Variants in UNC79 observed in about 807,000 individuals in gnomAD.
UNC79 encodes protein unc-79 homolog.
Under a neutral mutation model 283.1 loss-of-function variants are expected in UNC79, and 37 were observed. The ratio of observed to expected loss-of-function variants is 0.13; its 90% CI spans 0.10 to 0.17. UNC79 has a LOEUF of 0.17. Among genes scored for constraint, UNC79 ranks in the 10% least tolerant of loss-of-function variants. The pLI, the probability that UNC79 is intolerant of heterozygous loss-of-function variation, is 1.00. For missense variants in UNC79, 2,272 were observed against 3,211.1 expected, an observed-to-expected ratio of 0.71 and a Z score of 7.07; for synonymous variants, 1,107 against 1,200.2, an observed-to-expected ratio of 0.92 and a Z score of 1.61.
Position 93,497,069 on chromosome 14 carries a change from A to T in UNC79, c.769-88A>T. 3 of 1,475,982 alleles carry T rather than the reference A, an allele frequency of 2.0e-6. 1 individual carries two copies. In the South Asian group the frequency reaches 4.1e-5, roughly 20 times the overall value. 91.4% of individuals were successfully genotyped at this position (1,475,982 alleles called of 1,614,324 possible). A position where few individuals can be genotyped will look rare whatever the true frequency, so the allele number is the denominator to read the frequency against. ...TTACTCACCTCAATCCCTCCATTAG[A>T]ATTTTCACTGCTTTGGTAATGTTGA... is the stretch of plus-strand genomic sequence containing the variant. On this transcript the variant is annotated intron_variant, in intron 6 of 48. Coordinates refer to ENST00000555664, the Ensembl canonical transcript of UNC79.
chr14:93,663,881 T>C (rs978185386), intron 40 of UNC79, among the ~76,000 whole-genome samples: 3 of 152,196 alleles, frequency 2.0e-5, no homozygotes, highest in Non-Finnish European at 4.4e-5. Flanking sequence ...TATACCTTTT[T>C]TGGGGGAAGA....
At chr14:93,413,565 T>C (rs953131290) in intron 1 of UNC79, among the ~76,000 whole-genome samples, 10 of 128,970 alleles carry the variant, frequency 7.8e-5, no homozygotes, top group African/African-American at 3.0e-4. Context: ...CTGGGTCAAA[T>C]GGTATTTCTA....
intron 2 of UNC79, among the ~76,000 whole-genome samples, chr14:93,471,751 T>C (rs1252599631): frequency 6.6e-6 from 1 of 152,106 alleles, no homozygotes. Context: ...CCATTTTTTT[T>C]CTCAACCTCA....
In UNC79 at chr14:93,572,680, C is replaced by T. The variant is rs373844621; in HGVS notation, c.1947-13C>T. On this transcript the variant is annotated splice_polypyrimidine_tract_variant and intron_variant, in intron 15 of 48. Transcript: ENST00000555664. ...GCCCATTGGTCATTTACTTTTGTTG[C>T]TCTGCTTTCCAGCAAAATGTTTGAC... 876 of 1,613,660 alleles carry T rather than the reference C, an allele frequency of 5.4e-4. 13 individuals are homozygous for T. In the South Asian group the frequency reaches 6.6e-3, roughly 12 times the overall value.
chr14:93,567,783 T>C (rs1270114216), intron 14 of UNC79, among the ~76,000 whole-genome samples: 2 of 152,220 alleles, frequency 1.3e-5, no homozygotes, highest in Non-Finnish European at 1.5e-5. Flanking sequence ...TTTGCCAAGG[T>C]TGAGGATGTG....
chr14:93,604,777 A>C, intron 26 of UNC79, 119 bp from the exon 27 acceptor site: 1 of 1,050,470 alleles, frequency 9.5e-7, no homozygotes, highest in African/African-American at 1.6e-5. Flanking sequence ...ATGTGATGTT[A>C]ATTCAAATAG....
At chr14:93,644,364 C>T (rs950125927) in intron 34 of UNC79, among the ~76,000 whole-genome samples, 1 of 152,146 alleles carries the variant, frequency 6.6e-6, no homozygotes, top group Admixed American at 6.5e-5. Flanking sequence ...GTAGTCTTAG[C>T]GTGCACAACT....
chr14:93,341,293 CTA>C (rs1372542845), intron 1 of UNC79, among the ~76,000 whole-genome samples: 1 of 151,876 alleles, frequency 6.6e-6, no homozygotes, highest in African/African-American at 2.4e-5. Context: ...CCCGTCTCTA[CTA>C]AAAATACAAA....
chr14:93,450,611 G>A (rs1312356324), intron 1 of UNC79, among the ~76,000 whole-genome samples: 1 of 152,156 alleles, frequency 6.6e-6, no homozygotes, highest in East Asian at 1.9e-4. Flanking sequence ...TTGCTTCATC[G>A]TTATCTTGTT....
At chr14:93,505,940 C>T (rs1361562848) in intron 7 of UNC79, among the ~76,000 whole-genome samples, 1 of 151,692 alleles carries the variant, frequency 6.6e-6, no homozygotes, top group Non-Finnish European at 1.5e-5. Flanking sequence ...TTACTCCCTC[C>T]TGACTTCCAT....
chr14:93,550,270 C>T (rs980670078), intron 14 of UNC79, among the ~76,000 whole-genome samples: 1 of 152,010 alleles, frequency 6.6e-6, no homozygotes, highest in African/African-American at 2.4e-5. Flanking sequence ...TCATCCTAGA[C>T]AATATGATAG....
intron 11 of UNC79, among the ~76,000 whole-genome samples, chr14:93,532,999 T>C (rs2060901209): frequency 2.0e-5 from 3 of 152,200 alleles, no homozygotes; most frequent in African/African-American, 7.2e-5. Flanking sequence ...AGACTGACTG[T>C]ATATGGAAAG....
chr14:93,514,906 T>C (rs2059985477), intron 7 of UNC79, among the ~76,000 whole-genome samples: 1 of 152,192 alleles, frequency 6.6e-6, no homozygotes, highest in Non-Finnish European at 1.5e-5. Context: ...ATACCAGCTT[T>C]TTATTATGGT....
intron 24 of UNC79, among the ~76,000 whole-genome samples, 171 bp downstream of exon 24, chr14:93,597,711 G>T (rs2065174533): frequency 6.6e-6 from 1 of 152,170 alleles, no homozygotes. Context: ...CCGAGGGCCT[G>T]CTGTCTAGTT....
At chr14:93,573,877 C>T (rs1056607521) in intron 16 of UNC79, among the ~76,000 whole-genome samples, 3 of 152,114 alleles carry the variant, frequency 2.0e-5, no homozygotes, top group Non-Finnish European at 2.9e-5. Context: ...TGGTGACGCA[C>T]GCCTGTAGTC....
rs1215291473 is a variant in UNC79 at position 93,690,030 on chromosome 14, C to A, written c.7086-87C>A. On this transcript the variant is annotated intron_variant, in intron 44 of 48. Transcript: ENST00000555664. The surrounding 1 kb of genome is among the most constrained non-coding windows in gnomAD (Gnocchi z 4.3). ...GTGATTGCCTGCAAGACCACACTTT[C>A]AATCCCTTCCTTCAATAAGCATTTG... The A allele has an allele frequency of 6.9e-7, 1 of 1,452,804 alleles. No homozygotes were observed. Among genetic ancestry groups the A allele is most frequent in the African/African-American group, 1.4e-5 (1 of 71,576 alleles). The allele number at this position is 1,452,804 out of a possible 1,614,324, so 90.0% of individuals were successfully genotyped here.
chr14:93,466,718 G>A (rs760128766), intron 1 of UNC79, among the ~76,000 whole-genome samples: 2 of 152,128 alleles, frequency 1.3e-5, no homozygotes, highest in Non-Finnish European at 2.9e-5. Context: ...CACCTAAAAG[G>A]CTCCCTTAAA....
intron 39 of UNC79, 119 bp downstream of exon 42, chr14:93,659,380 C>A: frequency 1.3e-6 from 1 of 758,772 alleles, no homozygotes; most frequent in Non-Finnish European, 2.1e-6. Context: ...TCCCTTTCAG[C>A]CTCCTTCTTT....
intron 44 of UNC79, chr14:93,689,634 A>C (rs2074532271): frequency 6.5e-6 from 1 of 155,016 alleles, no homozygotes; most frequent in East Asian, 1.9e-4. Flanking sequence ...AATTACAGGC[A>C]TGCACCACCA....
Sources: gnomAD v4.1 joint callset for allele counts (sites outside exome capture counted in the v4.1 genomes callset) on GRCh38, gnomAD v4.1.1 for gene constraint, Gnocchi (gnomAD v3.1) non-coding constraint, MANE v1.5 for transcripts, NCBI Gene and HGNC (gene_info 2026-07-23, HGNC 2026-07-21) for gene names.